Variants in CHST8 observed in about 807,000 individuals in gnomAD.
CHST8 encodes the protein GALNAC-4-ST1.
Under a neutral mutation model 15.0 loss-of-function variants are expected in CHST8, and 10 were observed. That is an observed-to-expected ratio of 0.67 (90% CI 0.41 to 1.13). The LOEUF (loss-of-function observed/expected upper bound fraction) is 1.13, where lower values mean the gene tolerates loss of function less well. CHST8 is among the 50% of genes most tolerant of loss of function. The probability of loss-of-function intolerance (pLI) is 0.00; values close to 1 mark genes in which losing one functional copy is unlikely to be tolerated. For missense variants in CHST8, 634 were observed against 608.2 expected (o/e 1.04, Z -0.45); for synonymous variants, 259 against 256.6 (o/e 1.01, Z -0.09).
At chr19:33,673,470 G>T (rs1972769333) in intron 2 of CHST8, among the ~76,000 whole-genome samples, 1 of 152,184 alleles carries the variant, frequency 6.6e-6, no homozygotes, top group Non-Finnish European at 1.5e-5. Flanking sequence ...GTGTAGGACA[G>T]TGAGGTCAGA....
At chr19:33,731,066 T>G (rs1472493753) in intron 3 of CHST8, among the ~76,000 whole-genome samples, 1 of 152,194 alleles carries the variant, frequency 6.6e-6, no homozygotes, top group African/African-American at 2.4e-5. Context: ...CCTCTCCCAG[T>G]CCACTGACTC....
chr19:33,639,192 G>A (rs1298718884), intron 1 of CHST8, among the ~76,000 whole-genome samples: 1 of 151,900 alleles, frequency 6.6e-6, no homozygotes, highest in East Asian at 1.9e-4. Flanking sequence ...TGCCATTCGA[G>A]ATTCTAGCAG....
Position 33,771,454 on chromosome 19 carries a change from A to C in CHST8, c.168+4A>C. 6.2e-7 allele frequency: 1 copy of C among 1,614,050 alleles called. No homozygotes were observed. The highest frequency in any genetic ancestry group is 8.5e-7 in the Non-Finnish European group (1 of 1,179,928). The stretch of plus-strand genomic sequence containing the variant: ...CAGGCCAAGGCAGCCCCACCACGTA[A>C]GTTCTGAGAGTCAGATAAATCTCAG... On this transcript the variant is annotated splice_donor_region_variant and intron_variant, in intron 4 of 4. Coordinates refer to ENST00000650847, the MANE Select transcript of CHST8 (RefSeq NM_001127895.2).
rs376809060 is a variant in CHST8 at position 33,666,080 on chromosome 19, G to A, written c.-163-1687G>A. 3.3e-5 allele frequency among the ~76,000 whole-genome samples: 5 copies of A among 152,350 alleles called. No homozygotes were observed. In the East Asian group the frequency reaches 7.7e-4, roughly 24 times the overall value. On this transcript the variant is annotated intron_variant, in intron 1 of 4. Transcript: ENST00000650847. The stretch of plus-strand genomic sequence containing the variant: ...AGGTGCCTTGGGGCCTGAGAAAGAA[G>A]CAACGTTGGCTGCACAACAGGAAAG...
rs553631080 is a variant in CHST8, at chr19:33,679,580, T to G, written c.-86-9596T>G. Among the ~76,000 whole-genome samples the G allele has an allele frequency of 2.7e-3, 407 of 152,348 alleles. 2 individuals carry two copies. Among genetic ancestry groups the G allele is most frequent in the African/African-American group, 9.4e-3 (389 of 41,582 alleles). Reference sequence around the variant, plus strand: ...TTATGCAGCCAAACTTTCTGCGTGTTCCTCTGGAGACTGTCAGACCTTCGT... The same window carrying G: ...TTATGCAGCCAAACTTTCTGCGTGTGCCTCTGGAGACTGTCAGACCTTCGT... On this transcript the variant is annotated intron_variant, in intron 2 of 4. Coordinates refer to ENST00000650847, the MANE Select transcript of CHST8 (RefSeq NM_001127895.2).
chr19:33,718,837 G>T (rs1260635775), intron 3 of CHST8, among the ~76,000 whole-genome samples: 1 of 152,164 alleles, frequency 6.6e-6, no homozygotes, highest in Non-Finnish European at 1.5e-5. Context: ...GAGAGGTCAC[G>T]GTCCCCTAGG....
chr19:33,744,254 G>A (rs1460664752), intron 3 of CHST8: 4 of 152,240 alleles, frequency 2.6e-5, no homozygotes, highest in Admixed American at 2.0e-4. Context: ...GGGACATGCT[G>A]TGATTTAACC....
At chr19:33,728,554 C>T (rs926539379) in intron 3 of CHST8, among the ~76,000 whole-genome samples, 1 of 152,254 alleles carries the variant, frequency 6.6e-6, no homozygotes, top group African/African-American at 2.4e-5. Context: ...CTGCAGGCCT[C>T]ACACAGTCCC....
At chr19:33,735,977 C>A (rs1390637277) in intron 3 of CHST8, among the ~76,000 whole-genome samples, 1 of 152,250 alleles carries the variant, frequency 6.6e-6, no homozygotes, top group Non-Finnish European at 1.5e-5. Flanking sequence ...AATGTCCTTA[C>A]AAAAGAGACT....
At chr19:33,653,339 GAGTT>G (rs1295491268) in intron 1 of CHST8, among the ~76,000 whole-genome samples, 4 of 152,196 alleles carry the variant, frequency 2.6e-5, no homozygotes, top group African/African-American at 9.7e-5. Context: ...AAGAAGATGA[GAGTT>G]AGTGTGTCAG....
chr19:33,748,199 C>T (rs1036853764), intron 3 of CHST8, among the ~76,000 whole-genome samples: 2 of 152,220 alleles, frequency 1.3e-5, no homozygotes, highest in South Asian at 2.1e-4. Flanking sequence ...CCCAGGCACT[C>T]GCCAGGCCCA....
At chr19:33,710,453 A>G (rs1973526862) in intron 3 of CHST8, among the ~76,000 whole-genome samples, 1 of 150,138 alleles carries the variant, frequency 6.7e-6, no homozygotes, top group Admixed American at 6.6e-5. Flanking sequence ...TTCTTTTTTC[A>G]TTTCTTAAGG....
intron 1 of CHST8, among the ~76,000 whole-genome samples, chr19:33,631,369 G>C (rs1196461183): frequency 6.6e-6 from 1 of 152,190 alleles, no homozygotes; most frequent in Non-Finnish European, 1.5e-5. Flanking sequence ...AGGCTGACAT[G>C]GGCTGGGAGT....
At chr19:33,739,242 C>T (rs1006909070) in intron 3 of CHST8, among the ~76,000 whole-genome samples, 4 of 152,180 alleles carry the variant, frequency 2.6e-5, no homozygotes, top group African/African-American at 7.2e-5. Flanking sequence ...TGACTATTAT[C>T]ATCCTCCGTT....
chr19:33,661,855 AT>A (rs939755608), intron 1 of CHST8, among the ~76,000 whole-genome samples: 12 of 120,074 alleles, frequency 1.0e-4, no homozygotes, highest in Non-Finnish European at 2.0e-4. Context: ...ACACAGGGAG[AT>A]TTCATCTTTA....
intron 3 of CHST8, among the ~76,000 whole-genome samples, chr19:33,732,434 A>T (rs1974012914): frequency 6.6e-6 from 1 of 151,678 alleles, no homozygotes; most frequent in East Asian, 2.0e-4. Context: ...TGGGGTCCCC[A>T]GGCCACCTGC....
At chr19:33,699,526 A>G (rs1175753801) in intron 3 of CHST8, among the ~76,000 whole-genome samples, 3 of 152,128 alleles carry the variant, frequency 2.0e-5, no homozygotes, top group East Asian at 1.9e-4. Context: ...CTGACCTCCA[A>G]TGGAAGCAGT....
chr19:33,773,312 C>A lies in CHST8; in HGVS notation c.*249C>A, dbSNP rs114521575. The A allele has an allele frequency of 2.4e-5, 13 of 534,312 alleles. No homozygotes were observed. The highest frequency in any genetic ancestry group is 3.9e-5 in the Non-Finnish European group (12 of 304,642). 33.1% of individuals were successfully genotyped at this position (534,312 alleles called of 1,614,324 possible). ...GGAGAGGCTGAGAACTGGGCAGACA[C>A]CCCTGGAGCTCAGCCGACAGTTTTG... On this transcript the variant is annotated 3_prime_UTR_variant, in exon 5 of 5. Coordinates refer to ENST00000650847, the MANE Select transcript of CHST8 (RefSeq NM_001127895.2).
intron 3 of CHST8, among the ~76,000 whole-genome samples, chr19:33,718,926 C>T (rs923596676): frequency 3.9e-5 from 6 of 151,974 alleles, no homozygotes; most frequent in Non-Finnish European, 7.4e-5. Flanking sequence ...ATCTCTGTTG[C>T]TACTGAGAGG....
Sources: allele counts gnomAD v4.1 joint callset (sites outside exome capture counted in the v4.1 genomes callset), GRCh38; gene constraint gnomAD v4.1.1; transcripts MANE v1.5; gene names NCBI Gene and HGNC (gene_info 2026-07-23, HGNC 2026-07-21).